TENT5B: variants seen among roughly 807,000 people sequenced by gnomAD.
The protein encoded by TENT5B is family with sequence similarity 46 member B.
In TENT5B, 12 loss-of-function variants were observed where a neutral mutation model predicts 21.7. The ratio of observed to expected loss-of-function variants is 0.55; its 90% confidence interval spans 0.36 to 0.90. The LOEUF (loss-of-function observed/expected upper bound fraction) is 0.90. TENT5B is among the 40% of genes least tolerant of loss of function. TENT5B has a pLI of 0.01. For synonymous variants in TENT5B, 262 were observed against 266.6 expected, an observed-to-expected ratio of 0.98 and a Z score of 0.17; for missense variants, 540 against 601.5, an observed-to-expected ratio of 0.90 and a Z score of 1.07.
rs2082629427 is a variant in TENT5B at position 27,012,573 on chromosome 1, C to CCTGCCGGGG, written c.89_97dup (p.Ala30_Ala32dup). The CCTGCCGGGG allele has an allele frequency of 1.3e-6, 2 of 1,548,444 alleles. No individual in the cohort carries two copies. The highest frequency in any genetic ancestry group is 1.7e-6 in the Non-Finnish European group (2 of 1,153,296). ...TAAGGCCTCCGGGTCGGGGCCGCCG[C>CCTGCCGGGG]CTGCCGGGGCTGCCGTGGCCACCGC... is the stretch of plus-strand genomic sequence containing the variant. On this transcript the variant is annotated inframe_insertion, in exon 1 of 2. Transcript: ENST00000289166.
In TENT5B at chr1:27,012,592, C is replaced by A. The variant is rs1443429552; in HGVS notation, c.79G>T (p.Ala27Ser). The change falls in exon 1 of 2, where the codon GCC becomes TCC. Residue 27 changes from alanine to serine, a missense_variant. Physicochemically the swap from Ala to Ser is moderately conservative, Grantham distance 99. Transcript: ENST00000289166. ...CCGCCGCCTGCCGGGGCTGCCGTGG[C>A]CACCGCCGTGGCCGCAGCCGTCCCC... The part of the protein sequence containing the change: ...QVGTAAATAV[A>S]TAAPAGGGPD... 6.5e-7 allele frequency: 1 copy of A among 1,533,446 alleles called. No homozygotes were observed. The highest frequency in any genetic ancestry group is 8.7e-7 in the Non-Finnish European group (1 of 1,146,010). 95.0% of individuals were successfully genotyped at this position (1,533,446 alleles called of 1,614,324 possible). A position where few individuals can be genotyped will look rare whatever the true frequency, so the allele number is the denominator to read the frequency against.
At chr1:27,012,265 T>A (rs754031529) in intron 1 of TENT5B, 142 bp downstream of exon 1, 478 of 1,324,016 alleles carry the variant, frequency 3.6e-4, no homozygotes, top group Non-Finnish European at 4.6e-4. Context: ...CTACCATTCA[T>A]AATGCTGTGC....
intron 1 of TENT5B, among the ~76,000 whole-genome samples, chr1:27,007,552 C>T (rs1006096882): frequency 1.3e-5 from 2 of 150,672 alleles, no homozygotes; most frequent in South Asian, 2.1e-4. Flanking sequence ...CCACTGTGCC[C>T]GGCTAATTTT....
At position 27,005,553 on chromosome 1, in the gene TENT5B, G is replaced by A. The variant is rs2082592060; in HGVS notation, c.*391C>T. On this transcript the variant is annotated 3_prime_UTR_variant, in exon 2 of 2. Coordinates refer to ENST00000289166, the MANE Select transcript of TENT5B (RefSeq NM_052943.4). The stretch of plus-strand genomic sequence containing the variant: ...GCTGCAGGCCCTCCAAAGCTGCTGG[G>A]ATCACCACAGGCTGGCCTTAGTCAA... The A allele has an allele frequency of 2.0e-5, 4 of 197,438 alleles. No individual in the cohort carries two copies. In the South Asian group the frequency reaches 5.6e-4, roughly 28 times the overall value. The allele number at this position is 197,438 out of a possible 1,614,324, so 12.2% of individuals were successfully genotyped here.
rs2082631624 is a variant in TENT5B, at chr1:27,012,842, C to G, written c.-172G>C. ...CTCAGACGGCGACGACTAACCGACC[C>G]TAGCGCCTGCAGCCCGCGGCCCAGC... On this transcript the variant is annotated 5_prime_UTR_variant, in exon 1 of 2. Coordinates refer to ENST00000289166, the MANE Select transcript of TENT5B (RefSeq NM_052943.4). The G allele has an allele frequency of 2.3e-6, 2 of 870,354 alleles. No individual in the cohort carries two copies. The highest frequency in any genetic ancestry group is 3.3e-5 in the East Asian group (1 of 30,666). The allele number at this position is 870,354 out of a possible 1,614,324, so 53.9% of individuals were successfully genotyped here. A position where few individuals can be genotyped will look rare whatever the true frequency, so the allele number is the denominator to read the frequency against.
rs1335350140 is a variant in TENT5B, at chr1:27,006,053, C to G, written c.1169G>C (p.Trp390Ser). 2 of 1,611,484 alleles carry G rather than the reference C, an allele frequency of 1.2e-6. No individual in the cohort carries two copies. Among genetic ancestry groups the G allele is most frequent in the Non-Finnish European group, 8.5e-7 (1 of 1,178,884 alleles). The change falls in exon 2 of 2, where the codon TGG becomes TCG. Residue 390 changes from tryptophan to serine, a missense_variant. Physicochemically the swap from Trp to Ser is radical, Grantham distance 177. Coordinates refer to ENST00000289166, the MANE Select transcript of TENT5B (RefSeq NM_052943.4). The surrounding 1 kb of genome is among the most constrained non-coding windows in gnomAD (Gnocchi z 9.4). Reference protein sequence around the residue: ...QGPAATAALAWRPPGTDGVVP... With the variant: ...QGPAATAALASRPPGTDGVVP... The stretch of plus-strand genomic sequence containing the variant: ...AACCCCGTCAGTGCCTGGAGGGCGC[C>G]AGGCCAGGGCGGCAGTGGCAGCTGG...
At chr1:27,009,551 T>C (rs1020388802) in intron 1 of TENT5B, among the ~76,000 whole-genome samples, 5 of 152,240 alleles carry the variant, frequency 3.3e-5, no homozygotes, top group Non-Finnish European at 7.3e-5. Flanking sequence ...ACAAGGCCAG[T>C]TGCTGCAGTC....
In TENT5B at chr1:27,012,799, G is replaced by A; in HGVS notation, c.-129C>T. On this transcript the variant is annotated 5_prime_UTR_variant, in exon 1 of 2. Coordinates refer to ENST00000289166, the MANE Select transcript of TENT5B (RefSeq NM_052943.4). ...AGGGACGGGGCGGCAACGACGGCGA[G>A]ACAAAGCCAGGGAACACCTCAGACG... 1 of 1,207,718 alleles carries A rather than the reference G, an allele frequency of 8.3e-7. No homozygotes were observed. Among genetic ancestry groups the A allele is most frequent in the Non-Finnish European group, 1.1e-6 (1 of 922,464 alleles). 74.8% of individuals were successfully genotyped at this position (1,207,718 alleles called of 1,614,324 possible).
chr1:27,006,111 C>A lies in TENT5B; in HGVS notation c.1111G>T (p.Ala371Ser), dbSNP rs745768470. The change falls in exon 2 of 2, where the codon GCA becomes TCA. Residue 371 changes from alanine to serine, a missense_variant. By Grantham distance (99) the Ala-to-Ser change is moderately conservative. Transcript: ENST00000289166. The surrounding 1 kb of genome is among the most constrained non-coding windows in gnomAD (Gnocchi z 9.4). Reference sequence around the variant, plus strand: ...TCAGCCAGTGCCTGCAGCGCCAGTGCGGCAATGAGGTCCAGCGTCTGGCGG... The same window carrying A: ...TCAGCCAGTGCCTGCAGCGCCAGTGAGGCAATGAGGTCCAGCGTCTGGCGG... ...ERRQTLDLIA[A>S]LALQALAEQG... 2.5e-6 allele frequency: 4 copies of A among 1,608,640 alleles called. No individual in the cohort carries two copies. Among genetic ancestry groups the A allele is most frequent in the Admixed American group, 1.7e-5 (1 of 59,732 alleles).
In TENT5B at chr1:27,006,743, C is replaced by T. The variant is rs780810722; in HGVS notation, c.479G>A (p.Ser160Asn). ...CLLDFLPAGV[S>N]RAKITPLTLK... ...TGTCAGTGGCGTGATCTTGGCCCGG[C>T]TCACACCGGCCGGCAGGAAGTCTAG... Residue 160 changes from serine to asparagine, a missense_variant, in exon 2 of 2, where the codon AGC becomes AAC. By Grantham distance (46) the Ser-to-Asn change is conservative. Transcript: ENST00000289166. The surrounding 1 kb of genome is among the most constrained non-coding windows in gnomAD (Gnocchi z 9.4). 22 of 1,613,866 alleles carry T rather than the reference C, an allele frequency of 1.4e-5. No individual in the cohort carries two copies.
rs1275728733 is a variant in TENT5B, at chr1:27,009,061, C to G, written c.265-2104G>C. 4.0e-5 allele frequency among the ~76,000 whole-genome samples: 5 copies of G among 126,466 alleles called. No individual in the cohort carries two copies. In the East Asian group the frequency reaches 1.2e-3, roughly 31 times the overall value. The allele number at this position is 126,466 out of a possible 152,430, so 83.0% of individuals were successfully genotyped here. A position where few individuals can be genotyped will look rare whatever the true frequency, so the allele number is the denominator to read the frequency against. Reference sequence around the variant, plus strand: ...GTGGAATGCAGTGAATGCAGTGGCACGATCTCAGCTCACTGCAACCTCAGC... The same window carrying G: ...GTGGAATGCAGTGAATGCAGTGGCAGGATCTCAGCTCACTGCAACCTCAGC... On this transcript the variant is annotated intron_variant, in intron 1 of 1. Transcript: ENST00000289166.
intron 1 of TENT5B, 62 bp downstream of exon 1, chr1:27,012,345 C>A: frequency 6.4e-7 from 1 of 1,563,394 alleles, no homozygotes; most frequent in Non-Finnish European, 8.6e-7. Context: ...ACTACAAATG[C>A]CTTCCAGCCA....
Position 27,012,569 on chromosome 1 carries a change from G to GCCGCCTGCCGGGGCTGCCGTGGCCA in TENT5B, c.77_101dup (p.Pro36HisfsTer91). 1.9e-6 allele frequency: 3 copies of GCCGCCTGCCGGGGCTGCCGTGGCCA among 1,553,332 alleles called. No homozygotes were observed. Among genetic ancestry groups the GCCGCCTGCCGGGGCTGCCGTGGCCA allele is most frequent in the Non-Finnish European group, 2.6e-6 (3 of 1,156,138 alleles). On this transcript the variant is annotated frameshift_variant, in exon 1 of 2. Coordinates refer to ENST00000289166, the MANE Select transcript of TENT5B (RefSeq NM_052943.4). LOFTEE classifies it high-confidence loss of function. ...CCGATAAGGCCTCCGGGTCGGGGCC[G>GCCGCCTGCCGGGGCTGCCGTGGCCA]CCGCCTGCCGGGGCTGCCGTGGCCA...
In TENT5B at chr1:27,005,788, G is replaced by T; in HGVS notation, c.*156C>A. 9.8e-7 allele frequency: 1 copy of T among 1,018,858 alleles called. No homozygotes were observed. Among genetic ancestry groups the T allele is most frequent in the Non-Finnish European group, 1.4e-6 (1 of 735,940 alleles). The allele number at this position is 1,018,858 out of a possible 1,614,324, so 63.1% of individuals were successfully genotyped here. A position where few individuals can be genotyped will look rare whatever the true frequency, so the allele number is the denominator to read the frequency against. The stretch of plus-strand genomic sequence containing the variant: ...GGCATTAAGCCCACAGGGGCCTCGT[G>T]CTCGGGAAAGTCTGGTCTGTTCAAT... On this transcript the variant is annotated 3_prime_UTR_variant, in exon 2 of 2. Transcript: ENST00000289166.
At position 27,005,721 on chromosome 1, in the gene TENT5B, G is replaced by A; in HGVS notation, c.*223C>T. 2 of 525,502 alleles carry A rather than the reference G, an allele frequency of 3.8e-6. No individual in the cohort carries two copies. Among genetic ancestry groups the A allele is most frequent in the Non-Finnish European group, 6.4e-6 (2 of 313,570 alleles). 32.6% of individuals were successfully genotyped at this position (525,502 alleles called of 1,614,324 possible). On this transcript the variant is annotated 3_prime_UTR_variant, in exon 2 of 2. Coordinates refer to ENST00000289166, the MANE Select transcript of TENT5B (RefSeq NM_052943.4). ...CACCGGCATGCTGGTCCAAAAGTGT[G>A]ATGCAATAACCAAAGGGTCCTCCTG... is the stretch of plus-strand genomic sequence containing the variant.
chr1:27,005,677 AC>A lies in TENT5B; in HGVS notation c.*266del. The A allele has an allele frequency of 2.3e-6, 1 of 439,982 alleles. No individual in the cohort carries two copies. The highest frequency in any genetic ancestry group is 4.0e-6 in the Non-Finnish European group (1 of 251,602). The allele number at this position is 439,982 out of a possible 1,614,324, so 27.3% of individuals were successfully genotyped here. A position where few individuals can be genotyped will look rare whatever the true frequency, so the allele number is the denominator to read the frequency against. On this transcript the variant is annotated 3_prime_UTR_variant, in exon 2 of 2. Transcript: ENST00000289166. Reference sequence around the variant, plus strand: ...CTCCTGAAGGAAATTGACTTCCAAGACAAATGGCGCCTGCACCCCACCGGCA... The same window carrying A: ...CTCCTGAAGGAAATTGACTTCCAAGAAAATGGCGCCTGCACCCCACCGGCA...
chr1:27,008,800 C>T (rs1475368389), intron 1 of TENT5B, among the ~76,000 whole-genome samples: 4 of 151,766 alleles, frequency 2.6e-5, no homozygotes, highest in Non-Finnish European at 4.4e-5. Context: ...GAGGGTTTCA[C>T]CATGTTGGCC....
Position 27,006,033 on chromosome 1 carries a change from C to A in TENT5B, c.1189G>T (p.Gly397Trp). 6.2e-7 allele frequency: 1 copy of A among 1,611,094 alleles called. No homozygotes were observed. The highest frequency in any genetic ancestry group is 2.2e-5 in the East Asian group (1 of 44,832). ...ALAWRPPGTDGVVPATVNYYV... is the reference protein window; with the variant it reads ...ALAWRPPGTDWVVPATVNYYV... ...TAATTGACAGTGGCTGGCACAACCC[C>A]GTCAGTGCCTGGAGGGCGCCAGGCC... The change falls in exon 2 of 2, where the codon GGG (glycine) becomes TGG (tryptophan). Residue 397 changes from glycine (G) to tryptophan (W), a missense_variant. Transcript: ENST00000289166. This position sits in a 1 kb window ranked among gnomAD's most constrained non-coding sequence, Gnocchi z 9.4.
intron 1 of TENT5B, among the ~76,000 whole-genome samples, chr1:27,011,002 C>G (rs574555563): frequency 6.6e-6 from 1 of 152,296 alleles, no homozygotes; most frequent in African/African-American, 2.4e-5. Context: ...GGGGGGCTGC[C>G]ACACTGGGCT....
Sources: allele counts gnomAD v4.1 joint callset (sites outside exome capture counted in the v4.1 genomes callset), GRCh38; gene constraint gnomAD v4.1.1; non-coding constraint Gnocchi (gnomAD v3.1); transcripts MANE v1.5; gene names NCBI Gene and HGNC (gene_info 2026-07-23, HGNC 2026-07-21).